RAB18: variants seen among roughly 807,000 people sequenced by gnomAD.
RAB18 encodes RAB18, member RAS oncogene family.
A neutral mutation model predicts 28.5 loss-of-function variants in RAB18; 10 were observed. The observed-to-expected ratio is 0.35, with a 90% CI of 0.22 to 0.60. RAB18 has a LOEUF of 0.60. Ranked by LOEUF, RAB18 falls within the 20% of genes least tolerant of loss-of-function variation. RAB18 has a pLI of 0.78. For missense variants in RAB18, 188 were observed against 244.2 expected (o/e 0.77, Z 1.53); for synonymous variants, 93 against 86.9 (o/e 1.07, Z -0.39).
chr10:27,540,621 T>C lies in RAB18; in HGVS notation c.*2570T>C, dbSNP rs1165076699. ...TCTTATTTCTTTCACCTGCTCAGAG[T>C]GGACTGAAAATCCTGACTTAGAAAA... On this transcript the variant is annotated 3_prime_UTR_variant, in exon 7 of 7. Coordinates refer to ENST00000356940, the MANE Select transcript of RAB18 (RefSeq NM_021252.5). 1 of 454,044 alleles carries C rather than the reference T, an allele frequency of 2.2e-6. No individual in the cohort carries two copies. The highest frequency in any genetic ancestry group is 4.4e-6 in the Non-Finnish European group (1 of 226,750). 28.1% of individuals were successfully genotyped at this position (454,044 alleles called of 1,614,324 possible).
In RAB18 at chr10:27,541,761, T is replaced by C. The variant is rs1429661312; in HGVS notation, c.*3710T>C. 1 of 453,844 alleles carries C rather than the reference T, an allele frequency of 2.2e-6. No homozygotes were observed. The highest frequency in any genetic ancestry group is 4.4e-6 in the Non-Finnish European group (1 of 226,614). The allele number at this position is 453,844 out of a possible 1,614,324, so 28.1% of individuals were successfully genotyped here. A position where few individuals can be genotyped will look rare whatever the true frequency, so the allele number is the denominator to read the frequency against. On this transcript the variant is annotated 3_prime_UTR_variant, in exon 7 of 7. Transcript: ENST00000356940. ...TATTGGATATGTTTGTGACTGACTT[T>C]AATTTCTTGTTTGTGTGTGCTGTGG...
intron 2 of RAB18, 28 bp from the exon 3 acceptor site, chr10:27,526,800 G>A (rs776361626): frequency 1.2e-6 from 2 of 1,612,290 alleles, no homozygotes; most frequent in Non-Finnish European, 1.7e-6. Flanking sequence ...TTTACTGGGA[G>A]ACTTATCAAA....
chr10:27,538,598 A>G lies in RAB18; in HGVS notation c.*547A>G, dbSNP rs1250744882. The G allele has an allele frequency of 2.2e-6, 1 of 454,448 alleles. No individual in the cohort carries two copies. The allele number at this position is 454,448 out of a possible 1,614,324, so 28.2% of individuals were successfully genotyped here. A position where few individuals can be genotyped will look rare whatever the true frequency, so the allele number is the denominator to read the frequency against. On this transcript the variant is annotated 3_prime_UTR_variant, in exon 7 of 7. Transcript: ENST00000356940. Reference sequence around the variant, plus strand: ...GTAGCCCAGGCCAATTTATAACTAAATCTCTATTTGTTCGGATGATGCTTC... The same window carrying G: ...GTAGCCCAGGCCAATTTATAACTAAGTCTCTATTTGTTCGGATGATGCTTC...
chr10:27,541,892 T>A lies in RAB18; in HGVS notation c.*3841T>A, dbSNP rs1353964127. The A allele has an allele frequency of 2.2e-6, 1 of 453,842 alleles. No individual in the cohort carries two copies. Among genetic ancestry groups the A allele is most frequent in the Non-Finnish European group, 4.4e-6 (1 of 226,756 alleles). The allele number at this position is 453,842 out of a possible 1,614,324, so 28.1% of individuals were successfully genotyped here. A position where few individuals can be genotyped will look rare whatever the true frequency, so the allele number is the denominator to read the frequency against. On this transcript the variant is annotated 3_prime_UTR_variant, in exon 7 of 7. Coordinates refer to ENST00000356940, the MANE Select transcript of RAB18 (RefSeq NM_021252.5). ...GGTGGCATTGTCACACCCTCGGCTT[T>A]CTAGATTAACCCAGTTACCTTTTAG...
At chr10:27,522,894 T>G (rs1458299313) in intron 2 of RAB18, among the ~76,000 whole-genome samples, 2 of 152,132 alleles carry the variant, frequency 1.3e-5, no homozygotes, top group East Asian at 1.9e-4. Context: ...TTTTTTTGTC[T>G]TCTTTTTCCT....
Position 27,541,441 on chromosome 10 carries a change from T to C in RAB18, c.*3390T>C, listed in dbSNP as rs1285818447. 1 of 453,922 alleles carries C rather than the reference T, an allele frequency of 2.2e-6. No homozygotes were observed. The highest frequency in any genetic ancestry group is 7.0e-5 in the East Asian group (1 of 14,364). 28.1% of individuals were successfully genotyped at this position (453,922 alleles called of 1,614,324 possible). On this transcript the variant is annotated 3_prime_UTR_variant, in exon 7 of 7. Transcript: ENST00000356940. The stretch of plus-strand genomic sequence containing the variant: ...GCTTTACATTTTACTGTTTTGTTGC[T>C]AGCTTATTGTTTCATACTTGGGAAT...
intron 2 of RAB18, among the ~76,000 whole-genome samples, chr10:27,513,015 C>CATATATATATAT (rs764170485): frequency 7.2e-5 from 10 of 138,132 alleles, no homozygotes; most frequent in African/African-American, 2.7e-4. Flanking sequence ...TAGGTAATAA[C>CATATATATATAT]ATATATATAT....
At chr10:27,528,154 A>T (rs1412234131) in intron 3 of RAB18, among the ~76,000 whole-genome samples, 2 of 152,098 alleles carry the variant, frequency 1.3e-5, no homozygotes, top group African/African-American at 4.8e-5. Context: ...TGAAATCCGT[A>T]GATTAGAGTA....
chr10:27,534,156 C>A (rs1834846556), intron 6 of RAB18, among the ~76,000 whole-genome samples, 162 bp downstream of exon 6: 1 of 152,154 alleles, frequency 6.6e-6, no homozygotes, highest in Non-Finnish European at 1.5e-5. Context: ...GTTCTTTATT[C>A]TTCTTCCTGT....
Position 27,504,360 on chromosome 10 carries a change from C to A in RAB18, c.-10C>A, listed in dbSNP as rs1837743405. The A allele has an allele frequency of 6.4e-7, 1 of 1,572,228 alleles. No homozygotes were observed. The highest frequency in any genetic ancestry group is 8.6e-7 in the Non-Finnish European group (1 of 1,159,376). On this transcript the variant is annotated 5_prime_UTR_variant, in exon 1 of 7. Coordinates refer to ENST00000356940, the MANE Select transcript of RAB18 (RefSeq NM_021252.5). ...GCGGCCAGCTGGGCTCGGAGCGGAA[C>A]GGGGTCAGGATGGACGAGGACGTGC...
intron 2 of RAB18, among the ~76,000 whole-genome samples, chr10:27,515,699 A>G (rs1157700381): frequency 6.6e-6 from 1 of 152,090 alleles, no homozygotes; most frequent in Non-Finnish European, 1.5e-5. Context: ...GTACCACTGT[A>G]TTCTAGCCTG....
intron 2 of RAB18, among the ~76,000 whole-genome samples, chr10:27,511,359 C>T (rs1477416723): frequency 1.5e-4 from 23 of 151,986 alleles, no homozygotes; most frequent in African/African-American, 4.8e-4. Context: ...CATGCCACTG[C>T]GCCTGGCTAA....
At chr10:27,531,478 T>G in intron 3 of RAB18, 2 of 1,529,674 alleles carry the variant, frequency 1.3e-6, no homozygotes, top group Non-Finnish European at 8.8e-7. Flanking sequence ...GCAGTGGGAC[T>G]GGTAGCTAAG....
Position 27,538,625 on chromosome 10 carries a change from A to G in RAB18, c.*574A>G, listed in dbSNP as rs1371888411. 3 of 454,184 alleles carry G rather than the reference A, an allele frequency of 6.6e-6. No individual in the cohort carries two copies. Among genetic ancestry groups the G allele is most frequent in the Non-Finnish European group, 1.3e-5 (3 of 226,746 alleles). 28.1% of individuals were successfully genotyped at this position (454,184 alleles called of 1,614,324 possible). On this transcript the variant is annotated 3_prime_UTR_variant, in exon 7 of 7. Coordinates refer to ENST00000356940, the MANE Select transcript of RAB18 (RefSeq NM_021252.5). Reference sequence around the variant, plus strand: ...CTCTATTTGTTCGGATGATGCTTCTAAAACAGCATTGATAGGTTAAAGAAG... The same window carrying G: ...CTCTATTTGTTCGGATGATGCTTCTGAAACAGCATTGATAGGTTAAAGAAG...
rs190543365 is a variant in RAB18 at position 27,514,923 on chromosome 10, C to T, written c.124+4993C>T. 5.4e-3 allele frequency among the ~76,000 whole-genome samples: 824 copies of T among 152,098 alleles called. 7 individuals are homozygous for T. Among genetic ancestry groups the T allele is most frequent in the Non-Finnish European group, 7.5e-3 (511 of 67,998 alleles). Reference sequence around the variant, plus strand: ...AACTACAGGCACGTGCCACCATGCCCGGGTGATCTTTGTATTTTTTTGGAG... The same window carrying T: ...AACTACAGGCACGTGCCACCATGCCTGGGTGATCTTTGTATTTTTTTGGAG... On this transcript the variant is annotated intron_variant, in intron 2 of 6. Transcript: ENST00000356940.
chr10:27,519,705 T>C (rs1834508278), intron 2 of RAB18, among the ~76,000 whole-genome samples: 1 of 152,152 alleles, frequency 6.6e-6, no homozygotes, highest in Non-Finnish European at 1.5e-5. Context: ...TATAACTTTT[T>C]CAGTAGCCAT....
chr10:27,535,944 G>A (rs1052394228), intron 6 of RAB18, among the ~76,000 whole-genome samples: 6 of 152,104 alleles, frequency 3.9e-5, no homozygotes, highest in East Asian at 1.9e-4. Flanking sequence ...TTCACCGGGC[G>A]TGGTGGCGGG....
intron 6 of RAB18, among the ~76,000 whole-genome samples, chr10:27,537,671 A>G (rs148313453): frequency 1.3e-5 from 2 of 152,306 alleles, no homozygotes; most frequent in South Asian, 2.1e-4. Context: ...ATAAAATTAT[A>G]TACTAGTATT....
chr10:27,504,572 C>T (rs1193873235), intron 1 of RAB18, 135 bp downstream of exon 1: 1 of 1,026,282 alleles, frequency 9.7e-7, no homozygotes, highest in South Asian at 1.4e-5. Context: ...CCCTCCTCGG[C>T]CTCTGGGCCG....
Sources: gnomAD v4.1 joint callset for allele counts (sites outside exome capture counted in the v4.1 genomes callset) on GRCh38, gnomAD v4.1.1 for gene constraint, MANE v1.5 for transcripts, NCBI Gene and HGNC (gene_info 2026-07-23, HGNC 2026-07-21) for gene names.